Variants in SDK1 observed in about 807,000 individuals in gnomAD.
The protein encoded by SDK1 is protein sidekick-1.
Under a neutral mutation model 245.5 loss-of-function variants are expected in SDK1, and 157 were observed. That is an observed-to-expected ratio of 0.64 (90% CI 0.56 to 0.73). The LOEUF (loss-of-function observed/expected upper bound fraction) is 0.73. SDK1 is among the 30% of genes least tolerant of loss of function. SDK1 has a pLI of 0.00. For missense variants in SDK1, 3,583 were observed against 3,002.3 expected (o/e 1.19, Z -4.52); for synonymous variants, 1,647 against 1,278.5 (o/e 1.29, Z -6.15).
chr7:3,934,489 C>T (rs1215546407), intron 5 of SDK1, among the ~76,000 whole-genome samples: 3 of 152,222 alleles, frequency 2.0e-5, no homozygotes, highest in East Asian at 3.8e-4. Context: ...AGCTTTCCTG[C>T]CTTTCTGAAA....
chr7:4,001,472 T>C (rs1785067301), intron 14 of SDK1, among the ~76,000 whole-genome samples: 1 of 152,256 alleles, frequency 6.6e-6, no homozygotes, highest in African/African-American at 2.4e-5. Flanking sequence ...CCTGAGGCTC[T>C]GGAGGCCACA....
chr7:3,638,220 A>T (rs1477560542), intron 2 of SDK1, among the ~76,000 whole-genome samples: 1 of 152,202 alleles, frequency 6.6e-6, no homozygotes, highest in African/African-American at 2.4e-5. Context: ...TTGGGGAGAC[A>T]GGTATCAGTG....
At position 3,778,547 on chromosome 7, in the gene SDK1, C is replaced by G. The variant is rs183425455; in HGVS notation, c.714-42903C>G. Among the ~76,000 whole-genome samples the G allele has an allele frequency of 9.3e-4, 141 of 152,276 alleles. 1 individual carries two copies. The highest frequency in any genetic ancestry group is 3.3e-3 in the African/African-American group (138 of 41,550). On this transcript the variant is annotated intron_variant, in intron 4 of 44. Coordinates refer to ENST00000404826, the MANE Select transcript of SDK1 (RefSeq NM_152744.4). ...TATTTCTACAGATCTGACCAGGCTGCCTGCACACATCTATATTTTTACACT... is the reference window on the plus strand; with the variant it reads ...TATTTCTACAGATCTGACCAGGCTGGCTGCACACATCTATATTTTTACACT...
intron 35 of SDK1, among the ~76,000 whole-genome samples, chr7:4,193,107 A>G (rs1258220854): frequency 1.5e-5 from 2 of 135,394 alleles, no homozygotes; most frequent in Non-Finnish European, 3.1e-5. Flanking sequence ...TATAATATAA[A>G]TATATTAAAA....
intron 4 of SDK1, among the ~76,000 whole-genome samples, chr7:3,670,606 A>G (rs142706982): frequency 6.6e-6 from 1 of 152,316 alleles, no homozygotes; most frequent in African/African-American, 2.4e-5. Context: ...CTGACAGTTA[A>G]TAAGCCCCCA....
chr7:3,572,179 T>C (rs1278550849), intron 1 of SDK1, among the ~76,000 whole-genome samples: 1 of 152,122 alleles, frequency 6.6e-6, no homozygotes, highest in Non-Finnish European at 1.5e-5. Context: ...ATAGAACTAA[T>C]AAGTTAGTAG....
chr7:4,227,947 G>A (rs756483694), intron 40 of SDK1, among the ~76,000 whole-genome samples: 2 of 152,198 alleles, frequency 1.3e-5, no homozygotes, highest in Non-Finnish European at 2.9e-5. Context: ...AGACAAGCAT[G>A]GATGGATAGC....
In SDK1 at chr7:4,208,146, G is replaced by A. The variant is rs1274737929; in HGVS notation, c.5262G>A (p.Lys1754=). 1 of 1,613,960 alleles carries A rather than the reference G, an allele frequency of 6.2e-7. No homozygotes were observed. ...GCCAGAACGAAACGGAGAAAATGAA[G>A]GTCCTCTTCCTCCCCGAGCCCGTGG... The part of the protein sequence containing the change: ...ADSQNETEKM[K]VLFLPEPVVR... Residue 1754 remains lysine (K), a synonymous_variant, in exon 37 of 45, where the codon AAG becomes AAA. Transcript: ENST00000404826.
At chr7:3,621,623 GGCCTTTGTGTAGGCACCAA>G (rs1221622525) in intron 2 of SDK1, among the ~76,000 whole-genome samples, 9 of 152,150 alleles carry the variant, frequency 5.9e-5, no homozygotes, top group Non-Finnish European at 1.0e-4. Flanking sequence ...CCCAAGAACA[GGCCTTTGTGTAGGCACCAA>G]GCCATTTCTC....
chr7:3,493,153 G>A (rs560909394), intron 1 of SDK1, among the ~76,000 whole-genome samples: 1 of 152,132 alleles, frequency 6.6e-6, no homozygotes, highest in Non-Finnish European at 1.5e-5. Context: ...GAGTTTCACC[G>A]TGTTAGCCAG....
chr7:3,884,850 C>G (rs1025066585), intron 5 of SDK1, among the ~76,000 whole-genome samples: 1 of 152,216 alleles, frequency 6.6e-6, no homozygotes, highest in African/African-American at 2.4e-5. Context: ...TACAGATTAG[C>G]TGATGGGGCC....
intron 4 of SDK1, among the ~76,000 whole-genome samples, chr7:3,807,338 C>T (rs1356396853): frequency 6.6e-6 from 1 of 152,186 alleles, no homozygotes; most frequent in African/African-American, 2.4e-5. Flanking sequence ...CGCTGACACA[C>T]ATAACTCGGG....
chr7:3,984,161 A>T (rs930858547), intron 13 of SDK1, among the ~76,000 whole-genome samples: 2 of 152,070 alleles, frequency 1.3e-5, no homozygotes, highest in African/African-American at 4.8e-5. Flanking sequence ...ATCTGAAACC[A>T]CTCTGACTAG....
intron 17 of SDK1, among the ~76,000 whole-genome samples, chr7:4,024,304 C>T (rs181948918): frequency 2.2e-4 from 34 of 152,266 alleles, no homozygotes; most frequent in East Asian, 1.7e-3. Flanking sequence ...TTTGCAAGCC[C>T]CATTCTTATC....
intron 1 of SDK1, among the ~76,000 whole-genome samples, chr7:3,461,055 C>G (rs926372217): frequency 6.6e-6 from 1 of 152,108 alleles, no homozygotes; most frequent in East Asian, 1.9e-4. Flanking sequence ...TACACATTTT[C>G]GTGTTTTTGA....
chr7:3,905,890 C>G (rs28435310), intron 5 of SDK1, among the ~76,000 whole-genome samples: 1,895 of 152,258 alleles, frequency 0.012, 45 homozygotes, highest in African/African-American at 0.043. Flanking sequence ...TCCCAAAGTG[C>G]TGAGATTGCA....
chr7:4,149,528 TC>T, intron 30 of SDK1, 65 bp downstream of exon 30: 1 of 1,183,910 alleles, frequency 8.4e-7, no homozygotes, highest in Non-Finnish European at 1.1e-6. Flanking sequence ...CCAGCTCCTG[TC>T]CAGATAGTGG....
chr7:3,310,425 G>A (rs1014887967), intron 1 of SDK1, among the ~76,000 whole-genome samples: 1 of 152,184 alleles, frequency 6.6e-6, no homozygotes, highest in Non-Finnish European at 1.5e-5. Context: ...TGGGCTAGGT[G>A]GTGGTGCTGG....
chr7:3,327,221 T>C (rs1294138412), intron 1 of SDK1, among the ~76,000 whole-genome samples: 1 of 152,162 alleles, frequency 6.6e-6, no homozygotes, highest in African/African-American at 2.4e-5. Context: ...AGGGAATGGT[T>C]GAAGGAACCA....
Sources: allele counts gnomAD v4.1 joint callset (sites outside exome capture counted in the v4.1 genomes callset), GRCh38; gene constraint gnomAD v4.1.1; transcripts MANE v1.5; gene names NCBI Gene and HGNC (gene_info 2026-07-23, HGNC 2026-07-21).